The following VPS13B variants were observed in gnomAD, a reference collection of about 807,000 sequenced individuals.
VPS13B encodes the protein intermembrane lipid transfer protein VPS13B.
Under a neutral mutation model 426.4 loss-of-function variants are expected in VPS13B, and 285 were observed. That is an observed-to-expected ratio of 0.67 (90% confidence interval 0.61 to 0.74). The LOEUF (loss-of-function observed/expected upper bound fraction) is 0.74. Ranked by LOEUF, VPS13B falls within the 30% of genes least tolerant of loss-of-function variation. The pLI is 0.00. For synonymous variants in VPS13B, 1,676 were observed against 1,676.4 expected, an observed-to-expected ratio of 1.00 and a Z score of 0.01; for missense variants, 4,537 against 4,782.6, an observed-to-expected ratio of 0.95 and a Z score of 1.51.
At chr8:99,489,612 C>T (rs1820493891) in intron 25 of VPS13B, among the ~76,000 whole-genome samples, 1 of 152,070 alleles carries the variant, frequency 6.6e-6, no homozygotes, top group African/African-American at 2.4e-5. Flanking sequence ...TTGAAGAGGT[C>T]CTTCCCATCC....
chr8:99,052,319 G>T (rs1485994165), intron 3 of VPS13B, among the ~76,000 whole-genome samples: 3 of 80,510 alleles, frequency 3.7e-5, no homozygotes, highest in Admixed American at 1.4e-4. Context: ...TTCTGTTTAC[G>T]TGATGGATTA....
chr8:99,422,806 C>T (rs1397268888), intron 21 of VPS13B, among the ~76,000 whole-genome samples: 2 of 152,132 alleles, frequency 1.3e-5, no homozygotes, highest in African/African-American at 2.4e-5. Context: ...TTCCATTTTT[C>T]CCTCCTCAGA....
intron 44 of VPS13B, 73 bp downstream of exon 44, chr8:99,809,603 A>T (rs950154100): frequency 4.4e-5 from 69 of 1,584,996 alleles, no homozygotes; most frequent in Middle Eastern, 3.3e-4. Context: ...ATAATTAATA[A>T]TTTTTTTAAA....
At chr8:99,385,794 A>T (rs1229706536) in intron 20 of VPS13B, among the ~76,000 whole-genome samples, 1 of 152,196 alleles carries the variant, frequency 6.6e-6, no homozygotes, top group Non-Finnish European at 1.5e-5. Flanking sequence ...TCTAGGAGTG[A>T]GACAGACAGA....
In VPS13B at chr8:99,542,768, C is replaced by A. The variant is rs536126704; in HGVS notation, c.4746-13682C>A. Among the ~76,000 whole-genome samples, 48 of 152,250 alleles carry A rather than the reference C, an allele frequency of 3.2e-4. 1 individual carries two copies. In the Middle Eastern group the frequency reaches 0.031, roughly 97 times the overall value. On this transcript the variant is annotated intron_variant, in intron 30 of 61. Coordinates refer to ENST00000357162, the MANE Select transcript of VPS13B (RefSeq NM_152564.5). ...AGCCTTTCCAAGTGACCTCAGCCAA[C>A]ATACAGCACTTAACTCCCTCAATTT...
intron 17 of VPS13B, among the ~76,000 whole-genome samples, chr8:99,200,281 A>C (rs1190546108): frequency 1.3e-5 from 2 of 152,006 alleles, no homozygotes; most frequent in Non-Finnish European, 2.9e-5. Context: ...CATATACCAT[A>C]TTTTGTTAAT....
intron 51 of VPS13B, 130 bp from the exon 52 acceptor site, chr8:99,832,239 G>A (rs537670975): frequency 1.7e-5 from 22 of 1,308,476 alleles, no homozygotes; most frequent in South Asian, 7.6e-5. Context: ...TCCCGCCTGC[G>A]TGATGGAGTG....
At chr8:99,078,736 C>T (rs1392855849) in intron 3 of VPS13B, among the ~76,000 whole-genome samples, 1 of 152,060 alleles carries the variant, frequency 6.6e-6, no homozygotes, top group Non-Finnish European at 1.5e-5. Context: ...TTGGTGGTAG[C>T]AATAGCGGTG....
In VPS13B at chr8:99,571,209, A is replaced by T. The variant is rs185060538; in HGVS notation, c.4950-4449A>T. Among the ~76,000 whole-genome samples, 63 of 152,238 alleles carry T rather than the reference A, an allele frequency of 4.1e-4. 1 individual carries two copies. In the East Asian group the frequency reaches 0.012, roughly 28 times the overall value. On this transcript the variant is annotated intron_variant, in intron 31 of 61. Transcript: ENST00000357162. ...AAGGTCATTAACAACCTCAGTTAATACTTTGTGTTTTAGTTCCTTCTTTTG... is the reference window on the plus strand; with the variant it reads ...AAGGTCATTAACAACCTCAGTTAATTCTTTGTGTTTTAGTTCCTTCTTTTG...
intron 29 of VPS13B, among the ~76,000 whole-genome samples, chr8:99,519,470 A>G (rs956271826): frequency 3.9e-5 from 6 of 152,206 alleles, no homozygotes; most frequent in African/African-American, 1.4e-4. Context: ...CCAAAGGATT[A>G]TAAATTATGC....
At chr8:99,285,760 C>A (rs74665428) in intron 19 of VPS13B, among the ~76,000 whole-genome samples, 2 of 152,022 alleles carry the variant, frequency 1.3e-5, no homozygotes, top group Non-Finnish European at 2.9e-5. Context: ...AAAACACTTA[C>A]GGGTGAAATT....
intron 51 of VPS13B, among the ~76,000 whole-genome samples, chr8:99,827,991 C>T (rs1157020956): frequency 2.6e-5 from 4 of 152,092 alleles, no homozygotes; most frequent in Non-Finnish European, 5.9e-5. Flanking sequence ...TGTTTTACTT[C>T]CAATTATGTG....
At chr8:99,222,569 A>G (rs569059774) in intron 17 of VPS13B, among the ~76,000 whole-genome samples, 1 of 152,346 alleles carries the variant, frequency 6.6e-6, no homozygotes, top group African/African-American at 2.4e-5. Flanking sequence ...GAAAGGAATG[A>G]GTTAAAACTA....
chr8:99,645,649 A>C (rs1322590733), intron 34 of VPS13B, among the ~76,000 whole-genome samples: 1 of 152,234 alleles, frequency 6.6e-6, no homozygotes, highest in Non-Finnish European at 1.5e-5. Flanking sequence ...CTGCAGTATC[A>C]GGTAGAAATT....
At chr8:99,433,199 GA>G (rs1817204381) in intron 22 of VPS13B, among the ~76,000 whole-genome samples, 1 of 152,168 alleles carries the variant, frequency 6.6e-6, no homozygotes, top group Non-Finnish European at 1.5e-5. Context: ...AGGCAGACAA[GA>G]AGTGATGGAG....
At chr8:99,027,700 C>T (rs1250719663) in intron 2 of VPS13B, among the ~76,000 whole-genome samples, 1 of 151,900 alleles carries the variant, frequency 6.6e-6, no homozygotes, top group Non-Finnish European at 1.5e-5. Flanking sequence ...TATGTTTCTG[C>T]TGAGAAATCT....
chr8:99,764,979 C>T (rs1185605238), intron 39 of VPS13B, among the ~76,000 whole-genome samples: 1 of 152,134 alleles, frequency 6.6e-6, no homozygotes, highest in Non-Finnish European at 1.5e-5. Flanking sequence ...GGCGCGGTGG[C>T]TCATGCTTGT....
chr8:99,801,438 T>G (rs1813116583), intron 43 of VPS13B, among the ~76,000 whole-genome samples: 1 of 152,228 alleles, frequency 6.6e-6, no homozygotes, highest in South Asian at 2.1e-4. Context: ...ATGGCTTGTC[T>G]TTGTTTCTAA....
chr8:99,031,116 C>T (rs777255706), intron 2 of VPS13B, among the ~76,000 whole-genome samples: 43 of 151,806 alleles, frequency 2.8e-4, no homozygotes, highest in Non-Finnish European at 2.5e-4. Flanking sequence ...TGAAGATTTC[C>T]TGTATTTCAA....
Sources: gnomAD v4.1 joint callset for allele counts (sites outside exome capture counted in the v4.1 genomes callset) on GRCh38, gnomAD v4.1.1 for gene constraint, MANE v1.5 for transcripts, NCBI Gene and HGNC (gene_info 2026-07-23, HGNC 2026-07-21) for gene names.